NIPBL: variants seen among roughly 807,000 people sequenced by gnomAD.
The protein encoded by NIPBL is nipped-B-like protein.
A neutral mutation model predicts 321.8 loss-of-function variants in NIPBL; 19 were observed. That is an observed-to-expected ratio of 0.06 (90% CI 0.04 to 0.09). The LOEUF (loss-of-function observed/expected upper bound fraction) is 0.09, where lower values mean the gene tolerates loss of function less well. Among genes scored for constraint, NIPBL ranks in the 10% least tolerant of loss-of-function variants. The pLI is 1.00. For missense variants in NIPBL, 2,210 were observed against 3,327.0 expected, an observed-to-expected ratio of 0.66 and a Z score of 8.26; for synonymous variants, 1,106 against 1,114.1, an observed-to-expected ratio of 0.99 and a Z score of 0.14.
intron 43 of NIPBL, 126 bp downstream of exon 43, chr5:37,057,458 T>A: frequency 1.1e-6 from 1 of 950,356 alleles, no homozygotes; most frequent in Non-Finnish European, 1.6e-6. Context: ...TAAGTGAACT[T>A]AATGAAATCT....
At chr5:37,043,719 G>T (rs975115010) in intron 34 of NIPBL, among the ~76,000 whole-genome samples, 1 of 152,156 alleles carries the variant, frequency 6.6e-6, no homozygotes, top group East Asian at 1.9e-4. Context: ...GAAGCCTTCT[G>T]CCTGGTTCTG....
chr5:36,919,657 G>C (rs1016572807), intron 1 of NIPBL, among the ~76,000 whole-genome samples: 1 of 152,114 alleles, frequency 6.6e-6, no homozygotes. Context: ...GTTTTTGTGT[G>C]CCAGATCCCT....
At chr5:36,881,962 A>G (rs1745538153) in intron 1 of NIPBL, among the ~76,000 whole-genome samples, 1 of 152,120 alleles carries the variant, frequency 6.6e-6, no homozygotes, top group East Asian at 1.9e-4. Context: ...TTTCATTCAT[A>G]GAAATGTATA....
At chr5:37,000,295 G>A in intron 11 of NIPBL, 78 bp from the exon 12 acceptor site, 1 of 1,398,390 alleles carries the variant, frequency 7.2e-7, no homozygotes, top group Non-Finnish European at 1.0e-6. Context: ...TTTTCCCCAT[G>A]TGATTCATTT....
At chr5:36,877,222 G>T in intron 1 of NIPBL, 44 bp downstream of exon 1, 1 of 191,840 alleles carries the variant, frequency 5.2e-6, no homozygotes, top group South Asian at 1.8e-4. Context: ...CGGCGGCGCC[G>T]GCGCCAGGTC....
In NIPBL at chr5:36,944,634, C is replaced by T. The variant is rs530311214; in HGVS notation, c.-79-8984C>T. On this transcript the variant is annotated intron_variant, in intron 1 of 46. Coordinates refer to ENST00000282516, the MANE Select transcript of NIPBL (RefSeq NM_133433.4). Reference sequence around the variant, plus strand: ...TCACATGTACATCTCAAAAAGTTTCCATTTCAGTATTTAAACAAAAAACCA... The same window carrying T: ...TCACATGTACATCTCAAAAAGTTTCTATTTCAGTATTTAAACAAAAAACCA... 8.6e-5 allele frequency among the ~76,000 whole-genome samples: 13 copies of T among 151,940 alleles called. No individual in the cohort carries two copies. In the South Asian group the frequency reaches 2.7e-3, roughly 32 times the overall value.
intron 1 of NIPBL, among the ~76,000 whole-genome samples, chr5:36,947,129 CA>C (rs951088361): frequency 1.6e-4 from 24 of 151,676 alleles, no homozygotes; most frequent in Non-Finnish European, 3.2e-4. Flanking sequence ...TAAGAAGTGC[CA>C]AAAAAAATTT....
In NIPBL at chr5:37,024,980, C is replaced by T. The variant is rs373948139; in HGVS notation, c.5709+261C>T. On this transcript the variant is annotated intron_variant, in intron 30 of 46. Coordinates refer to ENST00000282516, the MANE Select transcript of NIPBL (RefSeq NM_133433.4). ...GCCATAGTAGCTCATGCCTATAATCCCAGCACTTTGGGAGGCCAAGGCAGG... is the reference window on the plus strand; with the variant it reads ...GCCATAGTAGCTCATGCCTATAATCTCAGCACTTTGGGAGGCCAAGGCAGG... Among the ~76,000 whole-genome samples the T allele has an allele frequency of 1.6e-4, 24 of 152,076 alleles. No individual in the cohort carries two copies. In the South Asian group the frequency reaches 3.3e-3, roughly 21 times the overall value.
At chr5:36,920,415 C>T (rs1229194217) in intron 1 of NIPBL, among the ~76,000 whole-genome samples, 1 of 152,152 alleles carries the variant, frequency 6.6e-6, no homozygotes, top group East Asian at 1.9e-4. Context: ...TGCTTTAGGA[C>T]AGATGTGACT....
At chr5:36,989,221 TTTG>T (rs1050961929) in intron 10 of NIPBL, among the ~76,000 whole-genome samples, 36 of 152,202 alleles carry the variant, frequency 2.4e-4, no homozygotes, top group African/African-American at 8.4e-4. Context: ...ACCTAGTTTT[TTTG>T]TTAAGATCCA....
At position 37,048,897 on chromosome 5, in the gene NIPBL, G is replaced by A. The variant is rs1753236419; in HGVS notation, c.6764-214G>A. On this transcript the variant is annotated intron_variant, in intron 39 of 46. Transcript: ENST00000282516. ...GTGTAAACATTAACATTTTGAGGGAGGAAAGAGATTATAGTTCTCACTGGG... is the reference window on the plus strand; with the variant it reads ...GTGTAAACATTAACATTTTGAGGGAAGAAAGAGATTATAGTTCTCACTGGG... Among the ~76,000 whole-genome samples, 3 of 151,904 alleles carry A rather than the reference G, an allele frequency of 2.0e-5. No individual in the cohort carries two copies. In the South Asian group the frequency reaches 6.2e-4, roughly 32 times the overall value.
At chr5:37,037,807 A>G (rs550815994) in intron 33 of NIPBL, among the ~76,000 whole-genome samples, 3 of 151,924 alleles carry the variant, frequency 2.0e-5, no homozygotes, top group Admixed American at 1.3e-4. Context: ...GATTAGCAAC[A>G]TTTTCTTCCC....
chr5:36,985,332 A>T lies in NIPBL; in HGVS notation c.2152A>T (p.Ser718Cys), dbSNP rs1423451561. ...CCGGCCTGAGACTCCAAAACAAAAGAGTGATGGGCATCCTGAAACCCCAAA... is the reference window on the plus strand; with the variant it reads ...CCGGCCTGAGACTCCAAAACAAAAGTGTGATGGGCATCCTGAAACCCCAAA... ...ESRPETPKQK[S>C]DGHPETPKQK... Residue 718 changes from serine (S) to cysteine (C), a missense_variant, in exon 10 of 47, where the codon AGT (serine) becomes TGT (cysteine). By Grantham distance (112) the Ser-to-Cys change is moderately radical (BLOSUM62 -1). This residue lies in a region of NIPBL where 588 missense variants were observed against 564.1 expected (regional missense o/e 1.04). Transcript: ENST00000282516. The T allele has an allele frequency of 2.5e-6, 4 of 1,613,640 alleles. No individual in the cohort carries two copies. In the Admixed American group the frequency reaches 6.7e-5, roughly 27 times the overall value.
At chr5:37,054,727 G>C (rs1021573886) in intron 42 of NIPBL, among the ~76,000 whole-genome samples, 1 of 152,164 alleles carries the variant, frequency 6.6e-6, no homozygotes, top group Non-Finnish European at 1.5e-5. Flanking sequence ...ATGCCTGAAG[G>C]CCCAGAGGGA....
intron 10 of NIPBL, among the ~76,000 whole-genome samples, chr5:36,989,256 T>C (rs146116175): frequency 2.6e-5 from 4 of 152,294 alleles, no homozygotes; most frequent in African/African-American, 9.6e-5. Context: ...CTTATAGTAA[T>C]ATGTGTTTAA....
intron 1 of NIPBL, among the ~76,000 whole-genome samples, chr5:36,916,781 G>A (rs1223450553): frequency 1.3e-5 from 2 of 152,064 alleles, no homozygotes; most frequent in African/African-American, 4.8e-5. Flanking sequence ...GTAGTTTGCT[G>A]AGAATGATGG....
chr5:36,977,209 C>T (rs1278584929), intron 9 of NIPBL, among the ~76,000 whole-genome samples: 1 of 151,880 alleles, frequency 6.6e-6, no homozygotes, highest in Non-Finnish European at 1.5e-5. Context: ...AATGCATATA[C>T]ACATTTGATC....
chr5:36,957,616 A>T (rs1186396266), intron 3 of NIPBL, among the ~76,000 whole-genome samples: 1 of 152,168 alleles, frequency 6.6e-6, no homozygotes, highest in Non-Finnish European at 1.5e-5. Context: ...GAAGAAAAAG[A>T]TTGTCCTTAG....
At chr5:37,027,090 C>T (rs1750367972) in intron 31 of NIPBL, among the ~76,000 whole-genome samples, 1 of 152,032 alleles carries the variant, frequency 6.6e-6, no homozygotes, top group Non-Finnish European at 1.5e-5. Flanking sequence ...GTTATTGTGC[C>T]ATTTTAAACT....
Sources: allele counts gnomAD v4.1 joint callset (sites outside exome capture counted in the v4.1 genomes callset), GRCh38; gene constraint gnomAD v4.1.1; regional missense constraint gnomAD v4.1.1; transcripts MANE v1.5; gene names NCBI Gene and HGNC (gene_info 2026-07-23, HGNC 2026-07-21).